The following LRP1B variants were observed in gnomAD, a reference collection of about 807,000 sequenced individuals.
LRP1B encodes the protein LDL receptor related protein 1B.
In LRP1B, 217 loss-of-function variants were observed where a neutral mutation model predicts 556.6. The ratio of observed to expected loss-of-function variants is 0.39; its 90% CI spans 0.35 to 0.44. LRP1B has a LOEUF of 0.44. LRP1B is among the 20% of genes least tolerant of loss of function. LRP1B has a pLI of 1.00. For missense variants in LRP1B, 5,053 were observed against 5,620.8 expected (o/e 0.90, Z 3.23); for synonymous variants, 2,047 against 1,865.8 (o/e 1.10, Z -2.50).
Position 140,883,498 on chromosome 2 carries a change from TAA to T in LRP1B, c.4169+317_4169+318del, listed in dbSNP as rs1693537229. Among the ~76,000 whole-genome samples, 3 of 151,450 alleles carry T rather than the reference TAA, an allele frequency of 2.0e-5. No homozygotes were observed. The South Asian group carries it at 6.3e-4, about 32-fold the overall frequency. On this transcript the variant is annotated intron_variant, in intron 25 of 90. Coordinates refer to ENST00000389484, the MANE Select transcript of LRP1B (RefSeq NM_018557.3). Reference sequence around the variant, plus strand: ...TTTGGCAGGGCAAAGAGAAATTCATTAAATTACTGTTTTGAAAAAGAGTTGCA... The same window carrying T: ...TTTGGCAGGGCAAAGAGAAATTCATTATTACTGTTTTGAAAAAGAGTTGCA...
At chr2:140,400,155 T>G (rs1472717946) in intron 66 of LRP1B, among the ~76,000 whole-genome samples, 5 of 152,142 alleles carry the variant, frequency 3.3e-5, no homozygotes, top group Admixed American at 6.5e-5. Flanking sequence ...CTCCTTGATA[T>G]TCACCATTTC....
chr2:141,426,461 T>G (rs1680366643), intron 3 of LRP1B, among the ~76,000 whole-genome samples: 1 of 152,210 alleles, frequency 6.6e-6, no homozygotes, highest in South Asian at 2.1e-4. Context: ...TTCTGAAGTA[T>G]ATGAAATAAT....
intron 3 of LRP1B, among the ~76,000 whole-genome samples, chr2:141,405,920 A>C (rs1240201529): frequency 6.6e-6 from 1 of 152,090 alleles, no homozygotes; most frequent in Non-Finnish European, 1.5e-5. Context: ...CATCCTCTAC[A>C]ATATAGCTCT....
intron 5 of LRP1B, among the ~76,000 whole-genome samples, chr2:141,239,960 T>C (rs1455538628): frequency 6.6e-6 from 1 of 152,120 alleles, no homozygotes; most frequent in Non-Finnish European, 1.5e-5. Flanking sequence ...ATCATTCTGA[T>C]GTATCAAACT....
At chr2:141,978,743 C>T (rs1701960155) in intron 1 of LRP1B, among the ~76,000 whole-genome samples, 2 of 151,974 alleles carry the variant, frequency 1.3e-5, no homozygotes, top group African/African-American at 2.4e-5. Flanking sequence ...AAAAAAACAT[C>T]ATCATTTTTT....
At chr2:141,015,265 T>C (rs899812311) in intron 13 of LRP1B, among the ~76,000 whole-genome samples, 6 of 152,240 alleles carry the variant, frequency 3.9e-5, no homozygotes, top group Middle Eastern at 3.4e-3. Flanking sequence ...TCATTCCTAC[T>C]ATGTGTTTAA....
In LRP1B at chr2:140,314,977, T is replaced by C. The variant is rs2105036394; in HGVS notation, c.12763A>G (p.Asn4255Asp). 1 of 1,611,008 alleles carries C rather than the reference T, an allele frequency of 6.2e-7. No homozygotes were observed. Among genetic ancestry groups the C allele is most frequent in the Non-Finnish European group, 8.5e-7 (1 of 1,178,324 alleles). Reference sequence around the variant, plus strand: ...CAAGTTCCTCCATTCTGGCAGTAGTTGCTACAGTGGTTGACTTCACATCTT... The same window carrying C: ...CAAGTTCCTCCATTCTGGCAGTAGTCGCTACAGTGGTTGACTTCACATCTT... ...GERCEVNHCS[N>D]YCQNGGTCVP... Residue 4255 changes from asparagine to aspartate, a missense_variant, in exon 83 of 91, where the codon AAC (asparagine) becomes GAC (aspartate). Coordinates refer to ENST00000389484, the MANE Select transcript of LRP1B (RefSeq NM_018557.3).
intron 22 of LRP1B, among the ~76,000 whole-genome samples, chr2:140,904,259 A>G (rs975961234): frequency 1.3e-5 from 2 of 152,146 alleles, no homozygotes; most frequent in African/African-American, 4.8e-5. Flanking sequence ...AATGGCAGAT[A>G]ATTGTCTTTG....
chr2:140,641,983 A>T (rs1000773566), intron 41 of LRP1B, among the ~76,000 whole-genome samples: 8 of 152,204 alleles, frequency 5.3e-5, no homozygotes, highest in African/African-American at 1.7e-4. Context: ...TTGGAAGAAA[A>T]CTGAAGATGA....
chr2:141,739,658 A>T (rs1312025411), intron 2 of LRP1B, among the ~76,000 whole-genome samples: 1 of 149,234 alleles, frequency 6.7e-6, no homozygotes, highest in Non-Finnish European at 1.5e-5. Context: ...TTGTTAGCAT[A>T]ATTAGATATT....
intron 1 of LRP1B, among the ~76,000 whole-genome samples, chr2:142,037,105 C>T (rs1703907072): frequency 6.6e-6 from 1 of 151,590 alleles, no homozygotes; most frequent in African/African-American, 2.4e-5. Flanking sequence ...TCATAAATGC[C>T]TGAAGTGCAG....
chr2:141,794,454 G>A (rs1018523835), intron 2 of LRP1B, among the ~76,000 whole-genome samples: 7 of 151,838 alleles, frequency 4.6e-5, no homozygotes, highest in African/African-American at 1.7e-4. Context: ...TCAGATTGAA[G>A]GGCTCTAGTT....
chr2:140,567,470 C>T (rs1005818247), intron 43 of LRP1B, among the ~76,000 whole-genome samples: 8 of 152,142 alleles, frequency 5.3e-5, no homozygotes, highest in South Asian at 4.1e-4. Flanking sequence ...GAGTTTGGCC[C>T]GTGTTGTGCC....
At chr2:140,613,882 T>A (rs1342211909) in intron 41 of LRP1B, among the ~76,000 whole-genome samples, 1 of 152,074 alleles carries the variant, frequency 6.6e-6, no homozygotes, top group Admixed American at 6.6e-5. Context: ...CAATTATGAA[T>A]TTTTCCTTTG....
intron 6 of LRP1B, among the ~76,000 whole-genome samples, chr2:141,195,600 T>C (rs1228143561): frequency 6.6e-6 from 1 of 152,142 alleles, no homozygotes; most frequent in East Asian, 1.9e-4. Flanking sequence ...CAAGACTGCC[T>C]ACGCCAATAA....
chr2:141,177,268 T>A (rs1373260233), intron 7 of LRP1B, among the ~76,000 whole-genome samples: 1 of 152,102 alleles, frequency 6.6e-6, no homozygotes, highest in Non-Finnish European at 1.5e-5. Context: ...CATTGGGCTC[T>A]AATTTTAGGT....
chr2:140,458,012 T>TATA (rs1687173102), intron 60 of LRP1B, among the ~76,000 whole-genome samples: 1 of 151,212 alleles, frequency 6.6e-6, no homozygotes, highest in African/African-American at 2.5e-5. Context: ...ATATACATAT[T>TATA]TACATATATA....
chr2:141,655,338 T>C (rs1029370112), intron 2 of LRP1B, among the ~76,000 whole-genome samples: 1 of 152,140 alleles, frequency 6.6e-6, no homozygotes, highest in African/African-American at 2.4e-5. Flanking sequence ...AGGAGAGTCA[T>C]ATTTACAGCT....
chr2:141,504,059 T>A (rs1006945114), intron 2 of LRP1B, among the ~76,000 whole-genome samples: 8 of 152,124 alleles, frequency 5.3e-5, no homozygotes, highest in Non-Finnish European at 1.2e-4. Flanking sequence ...TCTAATACAT[T>A]AATAATGGTT....
Sources: allele counts gnomAD v4.1 joint callset (sites outside exome capture counted in the v4.1 genomes callset), GRCh38; gene constraint gnomAD v4.1.1; transcripts MANE v1.5; gene names NCBI Gene and HGNC (gene_info 2026-07-23, HGNC 2026-07-21).